Variants in FAM83F observed in about 807,000 individuals in gnomAD.
FAM83F encodes scaffolding CK1 anchoring protein F, also known as protein FAM83F.
A neutral mutation model predicts 42.9 loss-of-function variants in FAM83F; 45 were observed. The observed-to-expected ratio is 1.05, with a 90% CI of 0.83 to 1.35. FAM83F has a LOEUF of 1.35. Among genes scored for constraint, FAM83F ranks in the 40% most tolerant of loss-of-function variants. FAM83F has a pLI of 0.00. For synonymous variants in FAM83F, 306 were observed against 298.3 expected (o/e 1.03, Z -0.27); for missense variants, 617 against 695.9 (o/e 0.89, Z 1.28).
intron 4 of FAM83F, among the ~76,000 whole-genome samples, chr22:40,026,344 T>C (rs2067552565): frequency 6.6e-6 from 1 of 151,842 alleles, no homozygotes; most frequent in Non-Finnish European, 1.5e-5. Flanking sequence ...CACGGTGAAA[T>C]CCTGTCTCTA....
intron 1 of FAM83F, among the ~76,000 whole-genome samples, chr22:40,006,149 A>C (rs2067427202): frequency 6.6e-6 from 1 of 152,100 alleles, no homozygotes; most frequent in Admixed American, 6.5e-5. Flanking sequence ...CTGGGGCAGG[A>C]AAATTGCTTG....
intron 4 of FAM83F, among the ~76,000 whole-genome samples, chr22:40,028,598 G>A (rs1474441416): frequency 5.9e-5 from 9 of 152,200 alleles, no homozygotes; most frequent in Non-Finnish European, 1.2e-4. Flanking sequence ...TCCCTCCGGA[G>A]GTCCGAGAGC....
chr22:40,038,967 G>A lies in FAM83F; in HGVS notation c.*9402G>A, dbSNP rs541842622. The A allele has an allele frequency of 9.8e-5, 15 of 152,346 alleles. No individual in the cohort carries two copies. The highest frequency in any genetic ancestry group is 5.2e-4 in the Admixed American group (8 of 15,296). The allele number at this position is 152,346 out of a possible 1,614,324, so 9.4% of individuals were successfully genotyped here. On this transcript the variant is annotated 3_prime_UTR_variant, in exon 5 of 5. Coordinates refer to ENST00000333407, the MANE Select transcript of FAM83F (RefSeq NM_138435.4). ...TCTTCATCTGTATCTACCTCAGAAAGTTACTATGAGGACTGAATAAGCTCA... is the reference window on the plus strand; with the variant it reads ...TCTTCATCTGTATCTACCTCAGAAAATTACTATGAGGACTGAATAAGCTCA...
intron 1 of FAM83F, among the ~76,000 whole-genome samples, chr22:40,001,405 G>A (rs1025600679): frequency 6.6e-6 from 1 of 152,194 alleles, no homozygotes; most frequent in Admixed American, 6.5e-5. Context: ...TTGGGAGGCC[G>A]AGGCGGGCAG....
intron 1 of FAM83F, among the ~76,000 whole-genome samples, chr22:39,999,452 G>C (rs2067387007): frequency 6.6e-6 from 1 of 152,158 alleles, no homozygotes; most frequent in Admixed American, 6.5e-5. Context: ...CCGCATTCCT[G>C]GCTCACACCC....
intron 1 of FAM83F, among the ~76,000 whole-genome samples, chr22:39,999,302 C>T (rs897494519): frequency 2.0e-5 from 3 of 152,200 alleles, no homozygotes; most frequent in Non-Finnish European, 4.4e-5. Context: ...AAGCTGTCCA[C>T]CCATCTTGCG....
Position 40,021,802 on chromosome 22 carries a change from A to G in FAM83F, c.1292A>G (p.Glu431Gly). Residue 431 changes from glutamate (E) to glycine (G), a missense_variant, in exon 4 of 5, where the codon GAG becomes GGG. By Grantham distance (98) the Glu-to-Gly change is moderately conservative. Coordinates refer to ENST00000333407, the MANE Select transcript of FAM83F (RefSeq NM_138435.4). This position sits in a 1 kb window ranked among gnomAD's most constrained non-coding sequence, Gnocchi z 8.7. ...RNGMGEAARG[E>G]AAPARRFSSR... ...GGCATGGGAGAAGCGGCCCGGGGGG[A>G]GGCCGCCCCCGCCAGGCGCTTCAGC... 1 of 1,611,378 alleles carries G rather than the reference A, an allele frequency of 6.2e-7. No individual in the cohort carries two copies. Among genetic ancestry groups the G allele is most frequent in the Non-Finnish European group, 8.5e-7 (1 of 1,179,332 alleles).
At position 39,995,989 on chromosome 22, in the gene FAM83F, T is replaced by A. The variant is rs1242394448; in HGVS notation, c.489+458T>A. Reference sequence around the variant, plus strand: ...GACCTTCCCGGTCCCACCTCTGCCATGCTGCTCCTTGGACCACCCCTCTCC... The same window carrying A: ...GACCTTCCCGGTCCCACCTCTGCCAAGCTGCTCCTTGGACCACCCCTCTCC... On this transcript the variant is annotated intron_variant, in intron 1 of 4. Coordinates refer to ENST00000333407, the MANE Select transcript of FAM83F (RefSeq NM_138435.4). This position sits in a 1 kb window ranked among gnomAD's most constrained non-coding sequence, Gnocchi z 4.6. 6.6e-6 allele frequency among the ~76,000 whole-genome samples: 1 copy of A among 152,196 alleles called. No homozygotes were observed. Among genetic ancestry groups the A allele is most frequent in the Non-Finnish European group, 1.5e-5 (1 of 68,022 alleles).
intron 1 of FAM83F, among the ~76,000 whole-genome samples, chr22:40,004,587 G>A (rs1487524394): frequency 6.6e-6 from 1 of 152,154 alleles, no homozygotes; most frequent in African/African-American, 2.4e-5. Flanking sequence ...ACAGGTGTGA[G>A]CCACCGCACC....
Position 40,021,224 on chromosome 22 carries a change from G to T in FAM83F, c.780-66G>T. ...TGGCCACAGCGGAGGGGCAGGTGGGGGCGGGGGCAGGGCAAGAGAGAGGCC... is the reference window on the plus strand; with the variant it reads ...TGGCCACAGCGGAGGGGCAGGTGGGTGCGGGGGCAGGGCAAGAGAGAGGCC... On this transcript the variant is annotated intron_variant, in intron 3 of 4. Coordinates refer to ENST00000333407, the MANE Select transcript of FAM83F (RefSeq NM_138435.4). The surrounding 1 kb of genome is among the most constrained non-coding windows in gnomAD (Gnocchi z 8.7). 1 of 1,474,220 alleles carries T rather than the reference G, an allele frequency of 6.8e-7. No homozygotes were observed. The highest frequency in any genetic ancestry group is 1.4e-5 in the South Asian group (1 of 70,384). 91.3% of individuals were successfully genotyped at this position (1,474,220 alleles called of 1,614,324 possible). A position where few individuals can be genotyped will look rare whatever the true frequency, so the allele number is the denominator to read the frequency against.
In FAM83F at chr22:40,036,708, G is replaced by A. The variant is rs1429355308; in HGVS notation, c.*7143G>A. On this transcript the variant is annotated 3_prime_UTR_variant, in exon 5 of 5. Transcript: ENST00000333407. ...TTCACACTAGTGACTATAGCCTGGT[G>A]GGACGGGGTCTAGGGGCCACAGTCC... is the stretch of plus-strand genomic sequence containing the variant. 6.6e-6 allele frequency: 1 copy of A among 152,294 alleles called. No homozygotes were observed. Among genetic ancestry groups the A allele is most frequent in the Non-Finnish European group, 1.5e-5 (1 of 68,122 alleles). 9.4% of individuals were successfully genotyped at this position (152,294 alleles called of 1,614,324 possible).
chr22:39,995,020 G>A lies in FAM83F; in HGVS notation c.-23G>A. The stretch of plus-strand genomic sequence containing the variant: ...GGACCGCGGCGGGGCCGGGGCCAGG[G>A]CCGGGGCCGGGGCCGGGGCGCCATG... On this transcript the variant is annotated 5_prime_UTR_variant, in exon 1 of 5. Coordinates refer to ENST00000333407, the MANE Select transcript of FAM83F (RefSeq NM_138435.4). The surrounding 1 kb of genome is among the most constrained non-coding windows in gnomAD (Gnocchi z 4.6). 8.0e-7 allele frequency: 1 copy of A among 1,256,090 alleles called. No individual in the cohort carries two copies. The highest frequency in any genetic ancestry group is 1.0e-6 in the Non-Finnish European group (1 of 1,001,690). 77.8% of individuals were successfully genotyped at this position (1,256,090 alleles called of 1,614,324 possible). A position where few individuals can be genotyped will look rare whatever the true frequency, so the allele number is the denominator to read the frequency against.
rs2067634236 is a variant in FAM83F, at chr22:40,037,865, G to GGTCTCTAA, written c.*8300_*8301insGTCTCTAA. The GGTCTCTAA allele has an allele frequency of 1.3e-5, 2 of 151,988 alleles. No homozygotes were observed. The allele number at this position is 151,988 out of a possible 1,614,324, so 9.4% of individuals were successfully genotyped here. On this transcript the variant is annotated 3_prime_UTR_variant, in exon 5 of 5. Coordinates refer to ENST00000333407, the MANE Select transcript of FAM83F (RefSeq NM_138435.4). ...CCCAAGTAGCTGGGACTACAGGCAT[G>GGTCTCTAA]CACCACCCTGCCCAGCTAATTAAAA... is the stretch of plus-strand genomic sequence containing the variant.
At chr22:40,025,288 G>C (rs2067545460) in intron 4 of FAM83F, among the ~76,000 whole-genome samples, 2 of 152,094 alleles carry the variant, frequency 1.3e-5, no homozygotes, top group South Asian at 4.1e-4. Flanking sequence ...GGGTAGTGCC[G>C]TGTGCCTGTA....
At chr22:40,017,035 T>C (rs566617818) in intron 1 of FAM83F, among the ~76,000 whole-genome samples, 1,671 of 152,256 alleles carry the variant, frequency 0.011, 25 homozygotes, top group African/African-American at 0.038. Flanking sequence ...TAAAACTTTT[T>C]TTTGTTTGTT....
In FAM83F at chr22:40,021,549, C is replaced by A. The variant is rs755313030; in HGVS notation, c.1039C>A (p.Gln347Lys). 4.5e-6 allele frequency: 7 copies of A among 1,564,218 alleles called. No homozygotes were observed. The highest frequency in any genetic ancestry group is 4.3e-6 in the Non-Finnish European group (5 of 1,150,178). The change falls in exon 4 of 5, where the codon CAA becomes AAA. Residue 347 changes from glutamine (Q) to lysine (K), a missense_variant. By Grantham distance (53) the Gln-to-Lys change is moderately conservative. Coordinates refer to ENST00000333407, the MANE Select transcript of FAM83F (RefSeq NM_138435.4). This position sits in a 1 kb window ranked among gnomAD's most constrained non-coding sequence, Gnocchi z 8.7. ...GGAGATGATGCGCTGGGCTGCCCGGCAACAGCGGGAGGCGGGCGGCAACCC... is the reference window on the plus strand; with the variant it reads ...GGAGATGATGCGCTGGGCTGCCCGGAAACAGCGGGAGGCGGGCGGCAACCC... ...PGEMMRWAAR[Q>K]QREAGGNPEG... is the part of the protein sequence containing the mutation.
At chr22:40,016,986 T>A (rs991275059) in intron 1 of FAM83F, among the ~76,000 whole-genome samples, 1 of 152,186 alleles carries the variant, frequency 6.6e-6, no homozygotes. Context: ...TAAATGCCTC[T>A]CTGGGCCTGG....
rs1172968985 is a variant in FAM83F at position 40,041,229 on chromosome 22, C to T, written c.*11664C>T. On this transcript the variant is annotated 3_prime_UTR_variant, in exon 5 of 5. Transcript: ENST00000333407. ...CACAGCGCTCCAAGAACATAGTGCA[C>T]TTGGCCTGCATACAAGTGTGCAGGG... 1.3e-5 allele frequency: 2 copies of T among 152,202 alleles called. No individual in the cohort carries two copies. The highest frequency in any genetic ancestry group is 2.9e-5 in the Non-Finnish European group (2 of 68,050). The allele number at this position is 152,202 out of a possible 1,614,324, so 9.4% of individuals were successfully genotyped here. A position where few individuals can be genotyped will look rare whatever the true frequency, so the allele number is the denominator to read the frequency against.
Position 40,030,027 on chromosome 22 carries a change from G to T in FAM83F, c.*462G>T, listed in dbSNP as rs1409104069. ...GTGGAATAAAAGGGAAGAGGGCAGG[G>T]CCCTGAGCCTGGGATCCCAAGTTCC... On this transcript the variant is annotated 3_prime_UTR_variant, in exon 5 of 5. Coordinates refer to ENST00000333407, the MANE Select transcript of FAM83F (RefSeq NM_138435.4). 1.2e-5 allele frequency: 2 copies of T among 161,512 alleles called. No individual in the cohort carries two copies. The highest frequency in any genetic ancestry group is 1.2e-4 in the Admixed American group (2 of 17,188). 10.0% of individuals were successfully genotyped at this position (161,512 alleles called of 1,614,324 possible).
Sources: gnomAD v4.1 joint callset for allele counts (sites outside exome capture counted in the v4.1 genomes callset) on GRCh38, gnomAD v4.1.1 for gene constraint, Gnocchi (gnomAD v3.1) non-coding constraint, MANE v1.5 for transcripts, NCBI Gene and HGNC (gene_info 2026-07-23, HGNC 2026-07-21) for gene names.